KMT2C: variants seen among roughly 807,000 people sequenced by gnomAD.
KMT2C encodes lysine methyltransferase 2C.
Under a neutral mutation model 507.9 loss-of-function variants are expected in KMT2C, and 88 were observed. The ratio of observed to expected loss-of-function variants is 0.17; its 90% CI spans 0.15 to 0.21. The LOEUF (loss-of-function observed/expected upper bound fraction) is 0.21, where lower values mean the gene tolerates loss of function less well. Ranked by LOEUF, KMT2C falls within the 10% of genes least tolerant of loss-of-function variation. The probability of loss-of-function intolerance (pLI) is 1.00; values close to 1 mark genes in which losing one functional copy is unlikely to be tolerated. For synonymous variants in KMT2C, 2,049 were observed against 2,080.8 expected, an observed-to-expected ratio of 0.98 and a Z score of 0.42; for missense variants, 4,954 against 5,957.8, an observed-to-expected ratio of 0.83 and a Z score of 5.55.
At chr7:152,158,722 G>T (rs369852556) in intron 44 of KMT2C, 141 bp downstream of exon 44, 20 of 739,240 alleles carry the variant, frequency 2.7e-5, no homozygotes, top group South Asian at 2.5e-4. Flanking sequence ...TGCCATGTTG[G>T]CTAAGCTCAT....
At chr7:152,356,100 C>T (rs79779537) in intron 2 of KMT2C, among the ~76,000 whole-genome samples, 4,669 of 152,110 alleles carry the variant, frequency 0.031, 104 homozygotes, top group Non-Finnish European at 0.048. Flanking sequence ...AAACAACATA[C>T]GGGTAGGGAT....
rs2129095427 is a variant in KMT2C, at chr7:152,148,568, A to T, written c.13359T>A (p.Ala4453=). ...QAGALINVEL[A]LRRGLQMKCV... is the part of the protein sequence containing the mutation. ...ATTTCATTTGTAGGCCTCTCCTCAG[A>T]GCTAGCTCCACATTTATTAAGGCAC... The change falls in exon 52 of 59, where the codon GCT becomes GCA. Residue 4453 remains alanine (A), a synonymous_variant. Transcript: ENST00000262189. The surrounding 1 kb of genome is among the most constrained non-coding windows in gnomAD (Gnocchi z 7.1). The T allele has an allele frequency of 6.2e-7, 1 of 1,614,196 alleles. No homozygotes were observed. The highest frequency in any genetic ancestry group is 2.2e-5 in the East Asian group (1 of 44,872).
At chr7:152,160,625 A>T (rs1458788742) in intron 43 of KMT2C, among the ~76,000 whole-genome samples, 1 of 147,380 alleles carries the variant, frequency 6.8e-6, no homozygotes, top group Non-Finnish European at 1.5e-5. Context: ...ATATATATAT[A>T]TTTATATATT....
chr7:152,287,835 C>T (rs1308743918), intron 6 of KMT2C, among the ~76,000 whole-genome samples: 3 of 151,692 alleles, frequency 2.0e-5, no homozygotes, highest in African/African-American at 7.3e-5. Flanking sequence ...ACCAGCCTGG[C>T]CAACATCATG....
intron 1 of KMT2C, among the ~76,000 whole-genome samples, chr7:152,424,400 G>A (rs2097797461): frequency 6.6e-6 from 1 of 152,106 alleles, no homozygotes; most frequent in Non-Finnish European, 1.5e-5. Flanking sequence ...AGCTTAGCTA[G>A]GTGGTTCCTC....
intron 38 of KMT2C, 108 bp from the exon 39 acceptor site, chr7:152,174,350 A>G: frequency 1.6e-6 from 1 of 607,746 alleles, no homozygotes. Context: ...AATAATCATT[A>G]CAGATTTCTG....
intron 4 of KMT2C, 58 bp downstream of exon 4, chr7:152,315,080 G>T (rs2129202304): frequency 7.3e-7 from 1 of 1,374,046 alleles, no homozygotes; most frequent in Non-Finnish European, 1.0e-6. Flanking sequence ...ACATTATAAT[G>T]GAAATAAATT....
chr7:152,292,399 T>C, intron 6 of KMT2C, among the ~76,000 whole-genome samples: 1 of 152,104 alleles, frequency 6.6e-6, no homozygotes, highest in East Asian at 1.9e-4. Context: ...AGAGCAGCAA[T>C]TTGAAATATA....
intron 1 of KMT2C, among the ~76,000 whole-genome samples, chr7:152,404,630 T>TGAAAAAAAA (rs113947433): frequency 0.015 from 659 of 44,046 alleles, no homozygotes; most frequent in Middle Eastern, 0.074. Context: ...GACTCAGGTC[T>TGAAAAAAAA]CAAAAAAAAA....
chr7:152,165,667 G>T (rs2092693813), intron 42 of KMT2C, among the ~76,000 whole-genome samples: 1 of 151,986 alleles, frequency 6.6e-6, no homozygotes, highest in Non-Finnish European at 1.5e-5. Flanking sequence ...GTACAGTGGG[G>T]GTATTTTTTG....
intron 1 of KMT2C, chr7:152,367,416 C>T (rs999762908): frequency 2.9e-6 from 2 of 692,596 alleles, no homozygotes; most frequent in African/African-American, 3.5e-5. Flanking sequence ...CAGGGTCTCG[C>T]CTTATTTCGC....
At chr7:152,261,672 C>T (rs565112196) in intron 9 of KMT2C, among the ~76,000 whole-genome samples, 15 of 151,940 alleles carry the variant, frequency 9.9e-5, no homozygotes, top group African/African-American at 3.1e-4. Flanking sequence ...AAGCTACAGC[C>T]GAAGGTAAAC....
intron 26 of KMT2C, among the ~76,000 whole-genome samples, chr7:152,201,279 CACAT>C (rs1270180636): frequency 2.1e-5 from 3 of 142,646 alleles, no homozygotes; most frequent in Non-Finnish European, 3.0e-5. Flanking sequence ...CCTCATGTCA[CACAT>C]ACAGACACAG....
chr7:152,420,601 C>T (rs1230669591), intron 1 of KMT2C, among the ~76,000 whole-genome samples: 2 of 152,114 alleles, frequency 1.3e-5, no homozygotes, highest in Non-Finnish European at 2.9e-5. Context: ...CTTTGGGAGG[C>T]CGAGGTGGGT....
At chr7:152,420,588 G>C (rs1421391612) in intron 1 of KMT2C, among the ~76,000 whole-genome samples, 1 of 152,132 alleles carries the variant, frequency 6.6e-6, no homozygotes, top group African/African-American at 2.4e-5. Context: ...TGTAATCCCA[G>C]AACTTTGGGA....
Position 152,224,542 on chromosome 7 carries a change from A to G in KMT2C, c.3051T>C (p.Thr1017=), listed in dbSNP as rs763344999. The change falls in exon 19 of 59, where the codon ACT becomes ACC. Residue 1017 remains threonine (T), a synonymous_variant. Coordinates refer to ENST00000262189, the MANE Select transcript of KMT2C (RefSeq NM_170606.3). The part of the protein sequence containing the change: ...CTVCEACGKA[T]DPGRLLLCDD... ...CACACAGCAGGAGTCTTCCTGGGTC[A>G]GTTGCCTTCCCACAGGCCTCACACA... The G allele has an allele frequency of 1.9e-6, 3 of 1,610,980 alleles. No homozygotes were observed. The Admixed American group carries it at 5.0e-5, about 27-fold the overall frequency.
intron 1 of KMT2C, among the ~76,000 whole-genome samples, chr7:152,412,323 C>G (rs1338181259): frequency 1.3e-5 from 2 of 152,200 alleles, no homozygotes; most frequent in Middle Eastern, 3.2e-3. Context: ...ATGGCTTGAA[C>G]CCGGGAGGCG....
At chr7:152,212,817 G>A (rs2094485137) in intron 23 of KMT2C, among the ~76,000 whole-genome samples, 1 of 152,252 alleles carries the variant, frequency 6.6e-6, no homozygotes, top group Admixed American at 6.5e-5. Flanking sequence ...AAGGCGGGTA[G>A]ATCACCTGAA....
At chr7:152,196,065 C>A in intron 27 of KMT2C, 54 bp from the exon 28 acceptor site, 1 of 1,079,520 alleles carries the variant, frequency 9.3e-7, no homozygotes, top group Non-Finnish European at 1.3e-6. Context: ...AGATATTAAG[C>A]CATTTGCTAA....
Sources: allele counts gnomAD v4.1 joint callset (sites outside exome capture counted in the v4.1 genomes callset), GRCh38; gene constraint gnomAD v4.1.1; non-coding constraint Gnocchi (gnomAD v3.1); transcripts MANE v1.5; gene names NCBI Gene and HGNC (gene_info 2026-07-23, HGNC 2026-07-21).